SMARCC1: variants seen among roughly 807,000 people sequenced by gnomAD.
SMARCC1 encodes SWI/SNF related BAF chromatin remodeling complex subunit C1, also known as SWI/SNF complex subunit SMARCC1.
In SMARCC1, 43 loss-of-function variants were observed where a neutral mutation model predicts 147.4. The ratio of observed to expected loss-of-function variants is 0.29; its 90% CI spans 0.23 to 0.38. SMARCC1 has a LOEUF of 0.38. SMARCC1 is among the 10% of genes least tolerant of loss of function. The pLI, the probability that SMARCC1 is intolerant of heterozygous loss-of-function variation, is 1.00. For missense variants in SMARCC1, 1,119 were observed against 1,381.1 expected (o/e 0.81, Z 3.01); for synonymous variants, 495 against 484.4 (o/e 1.02, Z -0.29).
intron 25 of SMARCC1, among the ~76,000 whole-genome samples, chr3:47,616,700 C>T (rs1002149010): frequency 6.6e-6 from 1 of 152,140 alleles, no homozygotes; most frequent in Admixed American, 6.5e-5. Context: ...CCCGCCTTGG[C>T]CTCCCAAAGT....
intron 4 of SMARCC1, 41 bp downstream of exon 4, chr3:47,737,988 T>C (rs957240297): frequency 3.5e-6 from 5 of 1,441,158 alleles, no homozygotes; most frequent in Admixed American, 2.0e-5. Context: ...TGAAAATATA[T>C]TAAAGGTAAA....
chr3:47,621,862 G>C (rs1467031598), intron 25 of SMARCC1, among the ~76,000 whole-genome samples: 1 of 146,256 alleles, frequency 6.8e-6, no homozygotes, highest in Non-Finnish European at 1.5e-5. Flanking sequence ...TCAGATAATA[G>C]AGTTATACAG....
chr3:47,716,578 C>T (rs1374670445), intron 7 of SMARCC1, among the ~76,000 whole-genome samples: 1 of 151,996 alleles, frequency 6.6e-6, no homozygotes, highest in Non-Finnish European at 1.5e-5. Flanking sequence ...ACATCTTATT[C>T]GATACATAAG....
chr3:47,615,350 C>T (rs746147514), intron 25 of SMARCC1, among the ~76,000 whole-genome samples: 11 of 152,162 alleles, frequency 7.2e-5, no homozygotes, highest in African/African-American at 2.7e-4. Flanking sequence ...GGCAAATGAA[C>T]AAATAAATCA....
intron 21 of SMARCC1, among the ~76,000 whole-genome samples, chr3:47,649,053 A>T (rs1288929410): frequency 6.6e-6 from 1 of 152,246 alleles, no homozygotes; most frequent in Non-Finnish European, 1.5e-5. Context: ...TAGAAATTAA[A>T]TGTCCAATTA....
chr3:47,772,819 G>C lies in SMARCC1; in HGVS notation c.313C>G (p.Pro105Ala). 3.7e-6 allele frequency: 6 copies of C among 1,611,722 alleles called. No individual in the cohort carries two copies. Among genetic ancestry groups the C allele is most frequent in the Non-Finnish European group, 5.1e-6 (6 of 1,178,538 alleles). ...TAACAGTAAGCTGATGTACTTACAG[G>C]GAGTTTGGTGAAGGCCGGGTTGGTG... Reference protein sequence around the residue: ...HVTNPAFTKLPAKCFMDFKAG... With the variant: ...HVTNPAFTKLAAKCFMDFKAG... Residue 105 changes from proline to alanine, a missense_variant and splice_region_variant, in exon 2 of 28, where the codon CCT (proline) becomes GCT (alanine). Around this residue, in one of 6 missense-constraint regions of SMARCC1, gnomAD observed 542 missense variants for 611.8 expected, o/e 0.89. Coordinates refer to ENST00000254480, the MANE Select transcript of SMARCC1 (RefSeq NM_003074.4).
At chr3:47,683,615 G>A (rs951494329) in intron 14 of SMARCC1, among the ~76,000 whole-genome samples, 12 of 152,100 alleles carry the variant, frequency 7.9e-5, no homozygotes, top group Admixed American at 6.6e-4. Context: ...CACTTTGGGA[G>A]GCCAAGGTGG....
chr3:47,733,860 T>C (rs1346743409), intron 5 of SMARCC1, among the ~76,000 whole-genome samples: 2 of 56,388 alleles, frequency 3.5e-5, no homozygotes, highest in African/African-American at 8.9e-5. Context: ...CGAGACTCTG[T>C]CTCAAAAAAA....
intron 21 of SMARCC1, among the ~76,000 whole-genome samples, chr3:47,640,185 C>T (rs1026421430): frequency 3.9e-5 from 6 of 152,014 alleles, no homozygotes; most frequent in Admixed American, 6.5e-5. Context: ...AGTATATGAG[C>T]TCCATGTCCT....
At chr3:47,590,617 A>G in intron 27 of SMARCC1, 44 bp downstream of exon 27, 3 of 1,462,054 alleles carry the variant, frequency 2.1e-6, no homozygotes, top group Non-Finnish European at 2.7e-6. Context: ...ACAGCCCTCC[A>G]GAACGGACCC....
At chr3:47,775,501 T>C (rs958986234) in intron 1 of SMARCC1, among the ~76,000 whole-genome samples, 24 of 142,930 alleles carry the variant, frequency 1.7e-4, no homozygotes, top group Admixed American at 3.5e-4. Flanking sequence ...CCAGGCGCGG[T>C]GGTGGCTCAC....
At chr3:47,616,751 A>T (rs1295643631) in intron 25 of SMARCC1, among the ~76,000 whole-genome samples, 1 of 152,072 alleles carries the variant, frequency 6.6e-6, no homozygotes, top group Admixed American at 6.6e-5. Context: ...TGGCCCTGAA[A>T]TTTTTATATG....
rs558620374 is a variant in SMARCC1 at position 47,637,730 on chromosome 3, C to T, written c.2376+995G>A. On this transcript the variant is annotated intron_variant, in intron 22 of 27. Coordinates refer to ENST00000254480, the MANE Select transcript of SMARCC1 (RefSeq NM_003074.4). ...CTGTCTCAAAAAAAAAAAAGGAATA[C>T]AAAGGCCCACATCCTGACCTTTGTA... Among the ~76,000 whole-genome samples, 8 of 150,158 alleles carry T rather than the reference C, an allele frequency of 5.3e-5. No homozygotes were observed. The South Asian group carries it at 1.3e-3, about 24-fold the overall frequency.
At chr3:47,622,559 A>C (rs1341362183) in intron 24 of SMARCC1, among the ~76,000 whole-genome samples, 2 of 152,116 alleles carry the variant, frequency 1.3e-5, no homozygotes, top group Non-Finnish European at 2.9e-5. Context: ...TCATGTGGTA[A>C]ACTACTACCT....
chr3:47,626,485 A>G (rs961786886), intron 24 of SMARCC1, among the ~76,000 whole-genome samples: 2 of 151,610 alleles, frequency 1.3e-5, no homozygotes, highest in Non-Finnish European at 2.9e-5. Context: ...GAAAGAAAGA[A>G]AGAAAAAAAA....
intron 21 of SMARCC1, among the ~76,000 whole-genome samples, chr3:47,653,543 A>G (rs139866185): frequency 1.3e-5 from 2 of 152,358 alleles, no homozygotes; most frequent in Non-Finnish European, 2.9e-5. Flanking sequence ...GTGCTATGCA[A>G]TAAGGCAGTA....
chr3:47,708,533 C>T (rs986175736), intron 9 of SMARCC1, among the ~76,000 whole-genome samples: 1 of 152,042 alleles, frequency 6.6e-6, no homozygotes, highest in African/African-American at 2.4e-5. Context: ...TGGGTATGAA[C>T]TGGCCAGTTA....
rs1559638204 is a variant in SMARCC1, at chr3:47,662,464, A to T, written c.2028T>A (p.Ala676=). ...IEDPYLENSD[A]SLGPLAYQPV... ...GCTGGTAGGCCAAAGGCCCAAGGGA[A>T]GCATCTGAATTCTCAAGGTATGGGT... is the stretch of plus-strand genomic sequence containing the variant. The change falls in exon 20 of 28, where the codon GCT becomes GCA. Residue 676 remains alanine (A), a synonymous_variant. Transcript: ENST00000254480. 1 of 1,614,072 alleles carries T rather than the reference A, an allele frequency of 6.2e-7. No homozygotes were observed. Among genetic ancestry groups the T allele is most frequent in the Admixed American group, 1.7e-5 (1 of 60,004 alleles).
intron 10 of SMARCC1, 57 bp downstream of exon 10, chr3:47,706,352 G>C: frequency 4.2e-6 from 6 of 1,435,726 alleles, no homozygotes; most frequent in Non-Finnish European, 5.5e-6. Context: ...GATTATAAGT[G>C]TAAGCCACCA....
Sources: allele counts gnomAD v4.1 joint callset (sites outside exome capture counted in the v4.1 genomes callset), GRCh38; gene constraint gnomAD v4.1.1; regional missense constraint gnomAD v4.1.1; transcripts MANE v1.5; gene names NCBI Gene and HGNC (gene_info 2026-07-23, HGNC 2026-07-21).